STARD13: variants seen among roughly 807,000 people sequenced by gnomAD.
STARD13 encodes the protein stAR-related lipid transfer protein 13.
In STARD13, 62 loss-of-function variants were observed where a neutral mutation model predicts 106.4. The ratio of observed to expected loss-of-function variants is 0.58; its 90% CI spans 0.48 to 0.72. STARD13 has a LOEUF of 0.72. STARD13 is among the 30% of genes least tolerant of loss of function. The pLI is 0.00. For missense variants in STARD13, 1,387 were observed against 1,424.0 expected (o/e 0.97, Z 0.42); for synonymous variants, 565 against 553.0 (o/e 1.02, Z -0.31).
At chr13:33,540,293 C>G in the STARD13 span, among the ~76,000 whole-genome samples, 1 of 152,230 alleles carries the variant, frequency 6.6e-6, no homozygotes, top group African/African-American at 2.4e-5. Flanking sequence ...CGAGAACTTT[C>G]ACCTTCCACT....
chr13:33,163,238 G>C (rs959153389), intron 3 of STARD13, among the ~76,000 whole-genome samples: 2 of 151,860 alleles, frequency 1.3e-5, no homozygotes, highest in Non-Finnish European at 2.9e-5. Context: ...GGAATTATGG[G>C]AATACAATTC....
chr13:33,119,056 G>A (rs540263465), intron 7 of STARD13, among the ~76,000 whole-genome samples: 2 of 151,988 alleles, frequency 1.3e-5, no homozygotes, highest in South Asian at 2.1e-4. Context: ...AGGCATCAAG[G>A]ACAGAGTGGC....
chr13:33,490,987 G>A, the STARD13 span, among the ~76,000 whole-genome samples: 4 of 152,184 alleles, frequency 2.6e-5, no homozygotes, highest in Non-Finnish European at 4.4e-5. Context: ...GTGGGCAACC[G>A]AACAAGGGAG....
intron 11 of STARD13, 91 bp downstream of exon 11, chr13:33,110,594 TG>T: frequency 9.2e-7 from 1 of 1,082,750 alleles, no homozygotes; most frequent in Non-Finnish European, 1.4e-6. Flanking sequence ...CCAAGCCCTG[TG>T]GACACAGCAG....
downstream of STARD13, among the ~76,000 whole-genome samples, chr13:33,345,978 C>T (rs2078012642): frequency 1.3e-5 from 2 of 152,232 alleles, no homozygotes; most frequent in Admixed American, 1.3e-4. Flanking sequence ...GGCCCTCAGT[C>T]ATCCCCACCT....
the STARD13 span, among the ~76,000 whole-genome samples, chr13:33,664,446 T>C: frequency 6.6e-6 from 1 of 152,226 alleles, no homozygotes; most frequent in South Asian, 2.1e-4. Flanking sequence ...GTGTTGTCTT[T>C]GGACTTGGTG....
At chr13:33,628,441 C>T in the STARD13 span, among the ~76,000 whole-genome samples, 2 of 152,150 alleles carry the variant, frequency 1.3e-5, no homozygotes, top group South Asian at 4.1e-4. Flanking sequence ...ATGGGTCCTT[C>T]TTTTTCTCAG....
At chr13:33,192,265 C>G (rs1220291603) in intron 1 of STARD13, among the ~76,000 whole-genome samples, 5 of 152,190 alleles carry the variant, frequency 3.3e-5, no homozygotes, top group Non-Finnish European at 7.3e-5. Flanking sequence ...GAAGCTAAAA[C>G]AGTACATCGA....
the STARD13 span, among the ~76,000 whole-genome samples, chr13:33,488,355 C>A: frequency 6.6e-6 from 1 of 152,068 alleles, no homozygotes; most frequent in Non-Finnish European, 1.5e-5. Context: ...TTAATTGCAC[C>A]TTCATCAACT....
chr13:33,558,652 C>G, the STARD13 span, among the ~76,000 whole-genome samples: 2 of 151,980 alleles, frequency 1.3e-5, no homozygotes, highest in Non-Finnish European at 2.9e-5. Flanking sequence ...AACTTTGACA[C>G]TGCTCAGAAG....
At chr13:33,176,113 C>A (rs1157628356) in intron 1 of STARD13, among the ~76,000 whole-genome samples, 1 of 152,172 alleles carries the variant, frequency 6.6e-6, no homozygotes, top group Non-Finnish European at 1.5e-5. Context: ...ACTCCCTCTG[C>A]AAGGCTTTCT....
At chr13:33,482,273 A>G in the STARD13 span, among the ~76,000 whole-genome samples, 1 of 152,180 alleles carries the variant, frequency 6.6e-6, no homozygotes, top group South Asian at 2.1e-4. Flanking sequence ...GTGAGGGTTC[A>G]TGGCTACTCT....
At chr13:33,590,594 C>T in the STARD13 span, among the ~76,000 whole-genome samples, 2 of 150,494 alleles carry the variant, frequency 1.3e-5, no homozygotes, top group African/African-American at 4.9e-5. Context: ...CAAACTATCG[C>T]AAGGACAAAA....
chr13:33,266,239 A>G (rs1052707214), intron 1 of STARD13, among the ~76,000 whole-genome samples: 2 of 152,232 alleles, frequency 1.3e-5, no homozygotes, highest in African/African-American at 4.8e-5. Flanking sequence ...AATCTTTAAA[A>G]TGGGAACATC....
At chr13:33,168,662 A>G (rs558348600) in intron 1 of STARD13, among the ~76,000 whole-genome samples, 1 of 152,302 alleles carries the variant, frequency 6.6e-6, no homozygotes, top group African/African-American at 2.4e-5. Flanking sequence ...CTATGATGCT[A>G]ATTTTTCCCC....
At chr13:33,320,338 C>T (rs3848095) in intron 1 of STARD13, among the ~76,000 whole-genome samples, 115,009 of 152,072 alleles carry the variant, frequency 0.76, 43,974 homozygotes, top group East Asian at 0.97. Flanking sequence ...GACCACACTC[C>T]AGGATTCCAG....
the STARD13 span, among the ~76,000 whole-genome samples, chr13:33,386,293 T>A: frequency 1.3e-5 from 2 of 152,124 alleles, no homozygotes; most frequent in Non-Finnish European, 2.9e-5. Flanking sequence ...AGATTCAAGG[T>A]TTTCTTGCTC....
the STARD13 span, among the ~76,000 whole-genome samples, chr13:33,442,951 A>G: frequency 1.3e-5 from 2 of 152,230 alleles, no homozygotes; most frequent in African/African-American, 4.8e-5. Context: ...GGCCAGGGCA[A>G]GAAGGAATAG....
intron 1 of STARD13, 101 bp from the exon 2 acceptor site, chr13:33,167,723 T>C: frequency 2.4e-6 from 3 of 1,225,096 alleles, no homozygotes; most frequent in Non-Finnish European, 3.6e-6. Flanking sequence ...TGCAAGTTAT[T>C]ACAAAGCAAA....
Sources: allele counts gnomAD v4.1 joint callset (sites outside exome capture counted in the v4.1 genomes callset), GRCh38; gene constraint gnomAD v4.1.1; transcripts MANE v1.5; gene names NCBI Gene and HGNC (gene_info 2026-07-23, HGNC 2026-07-21).